PGS1: variants seen among roughly 807,000 people sequenced by gnomAD.
PGS1 encodes CDP-diacylglycerol--glycerol-3-phosphate 3-phosphatidyltransferase, mitochondrial.
A neutral mutation model predicts 58.3 loss-of-function variants in PGS1; 44 were observed. The ratio of observed to expected loss-of-function variants is 0.75; its 90% CI spans 0.59 to 0.97. The LOEUF (loss-of-function observed/expected upper bound fraction) is 0.97. Among genes scored for constraint, PGS1 ranks in the 50% least tolerant of loss-of-function variants. The pLI is 0.00. For missense variants in PGS1, 684 were observed against 731.1 expected (o/e 0.94, Z 0.74); for synonymous variants, 330 against 311.0 (o/e 1.06, Z -0.64).
At chr17:78,379,649 A>T (rs1261550973) in intron 1 of PGS1, among the ~76,000 whole-genome samples, 1 of 151,958 alleles carries the variant, frequency 6.6e-6, no homozygotes, top group East Asian at 2.0e-4. Context: ...AACATGGTGA[A>T]ACCGTCTCTA....
chr17:78,394,091 G>C (rs1216333943), intron 2 of PGS1, among the ~76,000 whole-genome samples: 1 of 137,598 alleles, frequency 7.3e-6, no homozygotes, highest in Non-Finnish European at 1.5e-5. Context: ...AGAATCGCTT[G>C]AACCCGGGAG....
chr17:78,401,973 G>T (rs1018720521), intron 6 of PGS1, among the ~76,000 whole-genome samples: 58 of 152,324 alleles, frequency 3.8e-4, no homozygotes, highest in African/African-American at 1.3e-3. Context: ...GAGCCAGCAC[G>T]CTCCGAGCAG....
rs773663850 is a variant in PGS1, at chr17:78,414,908, C to G, written c.1432C>G (p.Leu478Val). ...GLWLYLAGSS[L>V]PCLTLIGSPN... ...CTGGCTGTACCTGGCAGGGAGCAGC[C>G]TGCCCTGTCTCACGCTGATTGGCTC... Residue 478 changes from leucine (L) to valine (V), a missense_variant, in exon 8 of 10, where the codon CTG becomes GTG. Physicochemically the swap from Leu to Val is conservative, Grantham distance 32. Transcript: ENST00000262764. The G allele has an allele frequency of 2.5e-5, 41 of 1,614,078 alleles. No homozygotes were observed. In the South Asian group the frequency reaches 4.0e-4, roughly 16 times the overall value.
intron 8 of PGS1, among the ~76,000 whole-genome samples, chr17:78,418,505 A>G (rs1051961375): frequency 6.6e-6 from 1 of 152,190 alleles, no homozygotes; most frequent in Non-Finnish European, 1.5e-5. Flanking sequence ...CACTCTTCTC[A>G]TGGCGAAAAC....
rs182882091 is a variant in PGS1 at position 78,382,213 on chromosome 17, C to G, written c.143+3405C>G. Among the ~76,000 whole-genome samples the G allele has an allele frequency of 2.9e-3, 442 of 152,178 alleles. 6 individuals are homozygous for G. Among genetic ancestry groups the G allele is most frequent in the South Asian group, 0.021 (100 of 4,816 alleles). On this transcript the variant is annotated intron_variant, in intron 1 of 9. Transcript: ENST00000262764. The stretch of plus-strand genomic sequence containing the variant: ...TACTGAAACCATTTCCAGGAGCTGA[C>G]TAGGGGTACCGAGTAGGGGATGGAG...
chr17:78,385,399 C>T (rs1338850666), intron 1 of PGS1, among the ~76,000 whole-genome samples: 1 of 151,704 alleles, frequency 6.6e-6, no homozygotes, highest in Non-Finnish European at 1.5e-5. Flanking sequence ...TGCCATTCTC[C>T]TGCCTCAGCC....
At chr17:78,390,041 T>C (rs1453757042) in intron 1 of PGS1, among the ~76,000 whole-genome samples, 2 of 152,052 alleles carry the variant, frequency 1.3e-5, no homozygotes, top group Non-Finnish European at 2.9e-5. Context: ...GAGACATTGA[T>C]TTTATGCTGC....
intron 1 of PGS1, among the ~76,000 whole-genome samples, chr17:78,385,856 C>T (rs938950562): frequency 4.6e-5 from 7 of 152,222 alleles, no homozygotes; most frequent in African/African-American, 9.7e-5. Context: ...GTGCAGGGCG[C>T]GTTGTCCTGC....
In PGS1 at chr17:78,410,229, AC is replaced by A. The variant is rs568377044; in HGVS notation, c.1403-4647del. Among the ~76,000 whole-genome samples the A allele has an allele frequency of 6.6e-5, 10 of 152,098 alleles. No homozygotes were observed. In the South Asian group the frequency reaches 8.3e-4, roughly 13 times the overall value. On this transcript the variant is annotated intron_variant, in intron 7 of 9. Coordinates refer to ENST00000262764, the MANE Select transcript of PGS1 (RefSeq NM_024419.5). Reference sequence around the variant, plus strand: ...GATCACCTGAGGTCAGGAGTTTGAGACCCAGCCTGGCCAACATGGTGAAACC... The same window carrying A: ...GATCACCTGAGGTCAGGAGTTTGAGACCAGCCTGGCCAACATGGTGAAACC...
At chr17:78,394,592 G>T (rs1487703678) in intron 2 of PGS1, among the ~76,000 whole-genome samples, 3 of 151,174 alleles carry the variant, frequency 2.0e-5, no homozygotes, top group African/African-American at 7.3e-5. Context: ...TTTCGCTCTC[G>T]TTGCCCAGGC....
At chr17:78,399,306 T>C (rs764772957) in intron 4 of PGS1, 42 bp from the exon 5 acceptor site, 2 of 1,543,724 alleles carry the variant, frequency 1.3e-6, no homozygotes, top group South Asian at 1.1e-5. Context: ...CAGGACGCCT[T>C]CCTGTTGTGA....
intron 1 of PGS1, among the ~76,000 whole-genome samples, chr17:78,386,264 T>A (rs563421813): frequency 1.3e-5 from 2 of 152,302 alleles, no homozygotes; most frequent in East Asian, 3.9e-4. Flanking sequence ...TTGTTTTGGT[T>A]GTTGCTGAGG....
chr17:78,423,045 C>A (rs2086041025), intron 9 of PGS1, among the ~76,000 whole-genome samples: 2 of 151,692 alleles, frequency 1.3e-5, no homozygotes, highest in African/African-American at 4.8e-5. Context: ...GCAACGTGAG[C>A]CGAGATTGCG....
chr17:78,385,951 G>T (rs756612748), intron 1 of PGS1, among the ~76,000 whole-genome samples: 1 of 152,182 alleles, frequency 6.6e-6, no homozygotes, highest in Non-Finnish European at 1.5e-5. Flanking sequence ...GGTCAGAGCG[G>T]TTCAGATGTG....
chr17:78,421,409 CCTT>C (rs2146358558), intron 9 of PGS1: 1 of 121,010 alleles, frequency 8.3e-6, no homozygotes, highest in African/African-American at 2.9e-5. Flanking sequence ...TCACTGTCAC[CCTT>C]CATGGGGTCT....
intron 7 of PGS1, among the ~76,000 whole-genome samples, chr17:78,407,087 G>T (rs1385949484): frequency 6.6e-6 from 1 of 152,176 alleles, no homozygotes; most frequent in Non-Finnish European, 1.5e-5. Flanking sequence ...GGGGCGGGGG[G>T]TGCCCTGCAA....
chr17:78,414,796 C>CTCT (rs996114114), intron 7 of PGS1, 83 bp from the exon 8 acceptor site: 1 of 1,523,440 alleles, frequency 6.6e-7, no homozygotes, highest in African/African-American at 1.4e-5. Context: ...GGCCGCCTTT[C>CTCT]TCTTAGATTG....
rs1260003040 is a variant in PGS1, at chr17:78,398,460, G to T, written c.511+109G>T. The T allele has an allele frequency of 6.4e-6, 5 of 784,300 alleles. No homozygotes were observed. In the East Asian group the frequency reaches 1.2e-4, roughly 19 times the overall value. 48.6% of individuals were successfully genotyped at this position (784,300 alleles called of 1,614,324 possible). The stretch of plus-strand genomic sequence containing the variant: ...CCAGGCAGAGTCAAGGCTATTTGAA[G>T]ATCATCCAAGCTGGCCCAGGGCTGC... On this transcript the variant is annotated intron_variant, in intron 4 of 9. Coordinates refer to ENST00000262764, the MANE Select transcript of PGS1 (RefSeq NM_024419.5).
At chr17:78,378,930 C>A in intron 1 of PGS1, 122 bp downstream of exon 1, 2 of 1,082,544 alleles carry the variant, frequency 1.8e-6, no homozygotes, top group Non-Finnish European at 2.5e-6. Context: ...GTTTCCGGGC[C>A]CATTTCTGCC....
Sources: allele counts gnomAD v4.1 joint callset (sites outside exome capture counted in the v4.1 genomes callset), GRCh38; gene constraint gnomAD v4.1.1; transcripts MANE v1.5; gene names NCBI Gene and HGNC (gene_info 2026-07-23, HGNC 2026-07-21).